Variants in THRAP3 observed in about 807,000 individuals in gnomAD.
THRAP3 encodes the protein thyroid hormone receptor associated protein 3, also known as thyroid hormone receptor-associated protein 3.
Under a neutral mutation model 101.0 loss-of-function variants are expected in THRAP3, and 16 were observed. The ratio of observed to expected loss-of-function variants is 0.16; its 90% confidence interval spans 0.11 to 0.24. The LOEUF (loss-of-function observed/expected upper bound fraction) is 0.24, where lower values mean the gene tolerates loss of function less well. Among genes scored for constraint, THRAP3 ranks in the 10% least tolerant of loss-of-function variants. The pLI is 1.00. For synonymous variants in THRAP3, 407 were observed against 422.6 expected (o/e 0.96, Z 0.45); for missense variants, 989 against 1,202.7 (o/e 0.82, Z 2.63).
chr1:36,301,661 C>G lies in THRAP3; in HGVS notation c.2611C>G (p.Pro871Ala). 6.2e-7 allele frequency: 1 copy of G among 1,614,046 alleles called. No individual in the cohort carries two copies. Among genetic ancestry groups the G allele is most frequent in the Non-Finnish European group, 8.5e-7 (1 of 1,179,982 alleles). The change falls in exon 11 of 12, where the codon CCA becomes GCA. Residue 871 changes from proline to alanine, a missense_variant. Transcript: ENST00000354618. ...QKRNREEEWD[P>A]EYTPKSKKYY... ...AAGAAACCGGGAAGAGGAGTGGGAC[C>G]CAGAGTACACACCCAAAAGCAAGAA...
At chr1:36,275,568 CAG>C (rs1227203777) in intron 2 of THRAP3, among the ~76,000 whole-genome samples, 1 of 119,910 alleles carries the variant, frequency 8.3e-6, no homozygotes, top group Non-Finnish European at 1.6e-5. Flanking sequence ...GCCTGGGTGA[CAG>C]AGCAAGACTC....
intron 1 of THRAP3, among the ~76,000 whole-genome samples, chr1:36,258,303 C>G (rs137908132): frequency 6.6e-6 from 1 of 152,240 alleles, no homozygotes; most frequent in African/African-American, 2.4e-5. Context: ...CTGATGTAAC[C>G]TAGGCTGAAT....
intron 1 of THRAP3, among the ~76,000 whole-genome samples, chr1:36,253,758 TAA>T (rs1645337825): frequency 9.1e-6 from 1 of 109,382 alleles, no homozygotes; most frequent in Admixed American, 1.2e-4. Flanking sequence ...TGAGTCAGGC[TAA>T]TTTTTTTTTT....
chr1:36,274,545 T>C (rs930757843), intron 2 of THRAP3, among the ~76,000 whole-genome samples: 3 of 151,902 alleles, frequency 2.0e-5, no homozygotes, highest in Non-Finnish European at 4.4e-5. Flanking sequence ...ACTGTGGTGT[T>C]GACATAAGGA....
chr1:36,297,606 G>A (rs369078510), intron 9 of THRAP3, among the ~76,000 whole-genome samples: 2 of 151,502 alleles, frequency 1.3e-5, no homozygotes, highest in African/African-American at 2.4e-5. Context: ...CCACTACCAC[G>A]CCCAGCTAAT....
chr1:36,284,523 A>G (rs1275286021), intron 3 of THRAP3, among the ~76,000 whole-genome samples: 2 of 152,214 alleles, frequency 1.3e-5, no homozygotes, highest in Non-Finnish European at 2.9e-5. Flanking sequence ...GAAAGTATCT[A>G]TCCAGAGAGT....
intron 4 of THRAP3, chr1:36,287,608 A>G (rs1224136402): frequency 1.0e-6 from 1 of 985,358 alleles, no homozygotes; most frequent in African/African-American, 1.7e-5. Flanking sequence ...GTCTTTGCCA[A>G]AATGAATGGC....
At chr1:36,282,511 C>G in intron 2 of THRAP3, 22 bp from the exon 3 acceptor site, 2 of 1,569,280 alleles carry the variant, frequency 1.3e-6, no homozygotes, top group Non-Finnish European at 1.7e-6. Flanking sequence ...CTCATTTGTT[C>G]TAATGCATTT....
intron 1 of THRAP3, among the ~76,000 whole-genome samples, chr1:36,235,965 C>A (rs368209465): frequency 2.0e-5 from 3 of 151,848 alleles, no homozygotes; most frequent in African/African-American, 7.3e-5. Context: ...ACCTTTATGT[C>A]GGACTGGGCG....
chr1:36,266,896 T>TTTA (rs1645521750), intron 2 of THRAP3, among the ~76,000 whole-genome samples: 1 of 109,292 alleles, frequency 9.1e-6, no homozygotes, highest in Non-Finnish European at 2.2e-5. Flanking sequence ...TTATTTATTT[T>TTTA]TGAGATAGAG....
chr1:36,273,204 G>A (rs1321563813), intron 2 of THRAP3, among the ~76,000 whole-genome samples: 1 of 152,220 alleles, frequency 6.6e-6, no homozygotes, highest in African/African-American at 2.4e-5. Context: ...GTCATCGAAT[G>A]TAGCATTATC....
chr1:36,233,084 G>C (rs1239487964), intron 1 of THRAP3, among the ~76,000 whole-genome samples: 6 of 151,592 alleles, frequency 4.0e-5, no homozygotes, highest in Non-Finnish European at 7.4e-5. Flanking sequence ...GGCCAGGATG[G>C]TCTTGAACTC....
intron 2 of THRAP3, among the ~76,000 whole-genome samples, chr1:36,279,790 A>G (rs996333580): frequency 1.3e-5 from 2 of 152,182 alleles, no homozygotes; most frequent in African/African-American, 2.4e-5. Context: ...GTCTTTTGGA[A>G]AGTTCTTGAA....
chr1:36,252,927 C>CATATATATATATAT (rs71053916), intron 1 of THRAP3, among the ~76,000 whole-genome samples: 19 of 76,536 alleles, frequency 2.5e-4, no homozygotes, highest in Non-Finnish European at 3.7e-4. Flanking sequence ...TATAGATAGG[C>CATATATATATATAT]ATATATATAT....
chr1:36,213,322 G>T, the THRAP3 span, among the ~76,000 whole-genome samples: 1 of 152,036 alleles, frequency 6.6e-6, no homozygotes, highest in Non-Finnish European at 1.5e-5. Flanking sequence ...AGGCCTGGGA[G>T]ATCTTATCAT....
Position 36,271,363 on chromosome 1 carries a change from A to G in THRAP3, c.-31-11170A>G, listed in dbSNP as rs139929704. 9.1e-3 allele frequency among the ~76,000 whole-genome samples: 1,382 copies of G among 151,866 alleles called. 18 individuals are homozygous for G. Among genetic ancestry groups the G allele is most frequent in the African/African-American group, 0.031 (1,304 of 41,400 alleles). ...AGTGATGCGATCTCTGCTCACTGCA[A>G]CCTCCGCCTCCCGGGTTCAAGCGAT... On this transcript the variant is annotated intron_variant, in intron 2 of 11. Transcript: ENST00000354618.
chr1:36,300,853 T>A (rs202019731), intron 9 of THRAP3, 33 bp from the exon 10 acceptor site: 1 of 1,609,566 alleles, frequency 6.2e-7, no homozygotes, highest in South Asian at 1.1e-5. Context: ...CTTAGAAAGA[T>A]GATTGATCAC....
At chr1:36,218,621 C>T in the THRAP3 span, among the ~76,000 whole-genome samples, 4 of 151,104 alleles carry the variant, frequency 2.6e-5, no homozygotes, top group Admixed American at 6.6e-5. Context: ...ACTCGGGAGG[C>T]TGAGGCAGGA....
At chr1:36,255,954 A>G (rs1284603189) in intron 1 of THRAP3, among the ~76,000 whole-genome samples, 2 of 152,074 alleles carry the variant, frequency 1.3e-5, no homozygotes, top group Non-Finnish European at 2.9e-5. Context: ...TGTGTGGAAC[A>G]TGGGAGCGTT....
Sources: allele counts gnomAD v4.1 joint callset (sites outside exome capture counted in the v4.1 genomes callset), GRCh38; gene constraint gnomAD v4.1.1; transcripts MANE v1.5; gene names NCBI Gene and HGNC (gene_info 2026-07-23, HGNC 2026-07-21).